DLG1: variants seen among roughly 807,000 people sequenced by gnomAD.
DLG1 encodes the protein discs large MAGUK scaffold protein 1.
Under a neutral mutation model 123.4 loss-of-function variants are expected in DLG1, and 42 were observed. The observed-to-expected ratio is 0.34, with a 90% CI of 0.27 to 0.44. DLG1 has a LOEUF of 0.44. Among genes scored for constraint, DLG1 ranks in the 20% least tolerant of loss-of-function variants. The pLI is 1.00. For missense variants in DLG1, 942 were observed against 1,082.6 expected (o/e 0.87, Z 1.82); for synonymous variants, 317 against 356.2 (o/e 0.89, Z 1.24).
intron 4 of DLG1, among the ~76,000 whole-genome samples, chr3:197,220,548 T>C (rs1736425180): frequency 6.6e-6 from 1 of 152,210 alleles, no homozygotes; most frequent in South Asian, 2.1e-4. Context: ...AGACATATTA[T>C]GGGGCCACTG....
At chr3:197,063,065 T>G (rs553289287) in intron 22 of DLG1, among the ~76,000 whole-genome samples, 12 of 152,246 alleles carry the variant, frequency 7.9e-5, no homozygotes, top group Non-Finnish European at 1.0e-4. Context: ...AGTTTTATTT[T>G]GTTTACAGAT....
chr3:197,107,487 G>A (rs1459872094), intron 13 of DLG1, among the ~76,000 whole-genome samples: 1 of 152,040 alleles, frequency 6.6e-6, no homozygotes, highest in Non-Finnish European at 1.5e-5. Flanking sequence ...GGAGCTTGCA[G>A]TGAACAGAGA....
intron 4 of DLG1, among the ~76,000 whole-genome samples, chr3:197,251,664 T>C (rs779345581): frequency 6.6e-6 from 1 of 151,790 alleles, no homozygotes; most frequent in Non-Finnish European, 1.5e-5. Flanking sequence ...AAAAGACAAA[T>C]GAGATTACAT....
At chr3:197,283,862 T>C (rs938047642) in intron 3 of DLG1, among the ~76,000 whole-genome samples, 9 of 146,172 alleles carry the variant, frequency 6.2e-5, no homozygotes, top group Non-Finnish European at 1.4e-4. Context: ...TTGGGTTGTT[T>C]TTTTTTTTTT....
chr3:197,215,195 A>G (rs919254934), intron 4 of DLG1, among the ~76,000 whole-genome samples: 1 of 152,204 alleles, frequency 6.6e-6, no homozygotes, highest in Admixed American at 6.5e-5. Flanking sequence ...ATAATGCGTA[A>G]TGGCACAGGG....
chr3:197,296,555 C>G lies in DLG1; in HGVS notation c.20-78G>C, dbSNP rs1006813741. The G allele has an allele frequency of 5.2e-6, 7 of 1,336,774 alleles. No homozygotes were observed. In the African/African-American group the frequency reaches 1.0e-4, roughly 19 times the overall value. 82.8% of individuals were successfully genotyped at this position (1,336,774 alleles called of 1,614,324 possible). A position where few individuals can be genotyped will look rare whatever the true frequency, so the allele number is the denominator to read the frequency against. The stretch of plus-strand genomic sequence containing the variant: ...TCACATACTAGTGCAAATAATTCTG[C>G]ATGACATCTAAATAGTTCCGCAAAT... On this transcript the variant is annotated intron_variant, in intron 2 of 24. Transcript: ENST00000667157.
At chr3:197,091,679 T>G (rs1411394586) in intron 14 of DLG1, among the ~76,000 whole-genome samples, 1 of 152,106 alleles carries the variant, frequency 6.6e-6, no homozygotes, top group African/African-American at 2.4e-5. Flanking sequence ...AATTTAAAGC[T>G]ACATATTAAA....
At position 197,116,050 on chromosome 3, in the gene DLG1, T is replaced by C. The variant is rs756620866; in HGVS notation, c.1320A>G (p.Ser440=). The C allele has an allele frequency of 6.2e-7, 1 of 1,606,366 alleles. No homozygotes were observed. The highest frequency in any genetic ancestry group is 2.2e-5 in the East Asian group (1 of 44,688). The change falls in exon 13 of 25, where the codon TCA becomes TCG. Residue 440 remains serine (S), a synonymous_variant. Coordinates refer to ENST00000667157, the MANE Select transcript of DLG1 (RefSeq NM_001366207.1). ...EPRKVVLHRG[S]TGLGFNIVGG... is the part of the protein sequence containing the mutation. ...CTACAATGTTGAAACCAAGGCCCGT[T>C]GAGCCACGATGAAGAACAACTTTTC...
intron 3 of DLG1, among the ~76,000 whole-genome samples, chr3:197,291,279 C>T (rs1259074188): frequency 6.7e-6 from 1 of 148,688 alleles, no homozygotes; most frequent in Non-Finnish European, 1.5e-5. Flanking sequence ...GTTTTCCTTA[C>T]TCAAATCTAG....
chr3:197,185,199 T>C (rs942409165), intron 5 of DLG1, among the ~76,000 whole-genome samples: 5 of 152,220 alleles, frequency 3.3e-5, no homozygotes. Flanking sequence ...ACCTCAGCCA[T>C]GGATATTTTT....
chr3:197,288,743 A>AAAAAAAAACATACATAC (rs1553827364), intron 3 of DLG1, among the ~76,000 whole-genome samples: 7 of 72,098 alleles, frequency 9.7e-5, no homozygotes, highest in Non-Finnish European at 1.4e-4. Context: ...AAAAAAAAAA[A>AAAAAAAAACATACATAC]ATACATACAT....
intron 11 of DLG1, among the ~76,000 whole-genome samples, chr3:197,124,401 A>T (rs533168928): frequency 1.3e-5 from 2 of 151,922 alleles, no homozygotes; most frequent in African/African-American, 4.8e-5. Context: ...TAGCCTCCCG[A>T]GTAGTGGGGA....
intron 17 of DLG1, among the ~76,000 whole-genome samples, chr3:197,077,178 G>C (rs9848429): frequency 0.13 from 19,462 of 151,486 alleles, 1,342 homozygotes; most frequent in Middle Eastern, 0.15. Flanking sequence ...TATTTAAAAA[G>C]TAAACCAAAA....
intron 4 of DLG1, among the ~76,000 whole-genome samples, chr3:197,231,110 A>G (rs2150606707): frequency 6.6e-6 from 1 of 152,384 alleles, no homozygotes; most frequent in Non-Finnish European, 1.5e-5. Context: ...AGTTCTTAAC[A>G]GTGAAGAAAT....
intron 11 of DLG1, among the ~76,000 whole-genome samples, chr3:197,129,644 T>C (rs1303683281): frequency 6.6e-6 from 1 of 152,250 alleles, no homozygotes; most frequent in African/African-American, 2.4e-5. Flanking sequence ...CCATTGAACA[T>C]GCCTTCCTCA....
At chr3:197,181,782 G>A (rs1295840178) in intron 5 of DLG1, among the ~76,000 whole-genome samples, 1 of 152,034 alleles carries the variant, frequency 6.6e-6, no homozygotes, top group Non-Finnish European at 1.5e-5. Flanking sequence ...TAATGAAAAA[G>A]ACAAGATGAG....
chr3:197,208,687 G>A (rs926498157), intron 4 of DLG1, among the ~76,000 whole-genome samples: 4 of 144,234 alleles, frequency 2.8e-5, no homozygotes, highest in Non-Finnish European at 4.7e-5. Context: ...TGTGTGTGGC[G>A]GGGTGGGGGT....
chr3:197,282,817 T>G lies in DLG1; in HGVS notation c.180A>C (p.Leu60Phe). 6.3e-7 allele frequency: 1 copy of G among 1,587,174 alleles called. No individual in the cohort carries two copies. Among genetic ancestry groups the G allele is most frequent in the Non-Finnish European group, 8.6e-7 (1 of 1,166,318 alleles). Residue 60 changes from leucine to phenylalanine, a missense_variant, in exon 4 of 25, where the codon TTA (leucine) becomes TTC (phenylalanine). Leu to Phe is a conservative substitution (Grantham distance 22, BLOSUM62 0). Coordinates refer to ENST00000667157, the MANE Select transcript of DLG1 (RefSeq NM_001366207.1). ...GATCTATACATTTTGGATTATCCAG[T>G]AAGGTCACTTCATAAAATTCTTGAA... ...IDIQEFYEVT[L>F]LDNPKCIDRS...
intron 5 of DLG1, among the ~76,000 whole-genome samples, chr3:197,168,247 A>T (rs185782478): frequency 5.9e-5 from 9 of 152,348 alleles, no homozygotes; most frequent in Admixed American, 5.9e-4. Context: ...GGCACTGACC[A>T]AGTTCCTTGA....
Sources: allele counts gnomAD v4.1 joint callset (sites outside exome capture counted in the v4.1 genomes callset), GRCh38; gene constraint gnomAD v4.1.1; transcripts MANE v1.5; gene names NCBI Gene and HGNC (gene_info 2026-07-23, HGNC 2026-07-21).